Variants in IFT80 observed in about 807,000 individuals in gnomAD.
IFT80 encodes intraflagellar transport 80.
IFT80 carries 79 observed loss-of-function variants against 107.9 expected under a neutral mutation model. The ratio of observed to expected loss-of-function variants is 0.73; its 90% CI spans 0.61 to 0.88. The LOEUF (loss-of-function observed/expected upper bound fraction) is 0.88, where lower values mean the gene tolerates loss of function less well. Among genes scored for constraint, IFT80 ranks in the 40% least tolerant of loss-of-function variants. IFT80 has a pLI of 0.00. For synonymous variants in IFT80, 299 were observed against 300.9 expected (o/e 0.99, Z 0.07); for missense variants, 797 against 914.2 (o/e 0.87, Z 1.65).
chr3:160,348,940 G>A (rs1720479029), intron 8 of IFT80, among the ~76,000 whole-genome samples: 2 of 152,166 alleles, frequency 1.3e-5, no homozygotes, highest in African/African-American at 4.8e-5. Flanking sequence ...GAAAAATAGG[G>A]ATTGACAGTT....
chr3:160,367,146 A>AT (rs1184999832), intron 5 of IFT80, among the ~76,000 whole-genome samples: 1 of 152,106 alleles, frequency 6.6e-6, no homozygotes, highest in Non-Finnish European at 1.5e-5. Flanking sequence ...TCCACTGTAT[A>AT]TAAGTACCAC....
intron 8 of IFT80, among the ~76,000 whole-genome samples, chr3:160,333,189 C>T (rs149874575): frequency 1.3e-3 from 193 of 152,164 alleles, no homozygotes; most frequent in African/African-American, 4.2e-3. Flanking sequence ...TATAACTGTA[C>T]GTGACACTTA....
At chr3:160,295,568 T>C (rs1050887279) in intron 12 of IFT80, among the ~76,000 whole-genome samples, 3 of 151,840 alleles carry the variant, frequency 2.0e-5, no homozygotes, top group South Asian at 2.1e-4. Flanking sequence ...CAGTGCACTC[T>C]AGCCTGGGTG....
intron 5 of IFT80, among the ~76,000 whole-genome samples, chr3:160,374,404 TAA>T (rs199559986): frequency 2.7e-5 from 3 of 112,926 alleles, no homozygotes; most frequent in Admixed American, 9.5e-5. Context: ...CAAGACCGTC[TAA>T]AAAAAAAAAA....
intron 15 of IFT80, among the ~76,000 whole-genome samples, chr3:160,280,315 T>C (rs1714588698): frequency 6.6e-6 from 1 of 152,224 alleles, no homozygotes; most frequent in Admixed American, 6.5e-5. Flanking sequence ...AATGATAATC[T>C]GTGACAGCGT....
intron 7 of IFT80, 59 bp downstream of exon 7, chr3:160,357,430 T>C (rs1169816922): frequency 1.1e-6 from 1 of 905,718 alleles, no homozygotes; most frequent in Non-Finnish European, 1.8e-6. Flanking sequence ...TATTCTTATA[T>C]GCTAAGTACT....
At chr3:160,377,366 CT>C (rs1363080737) in intron 4 of IFT80, 63 bp downstream of exon 4, 2 of 939,126 alleles carry the variant, frequency 2.1e-6, no homozygotes, top group Admixed American at 1.7e-5. Flanking sequence ...TGAAAATATT[CT>C]GTTTCTTTGG....
rs760129503 is a variant in IFT80 at position 160,355,995 on chromosome 3, C to T, written c.777+18G>A. The T allele has an allele frequency of 1.9e-6, 3 of 1,613,680 alleles. No individual in the cohort carries two copies. The highest frequency in any genetic ancestry group is 2.2e-5 in the South Asian group (2 of 91,078). ...ATTTATGACAGCACATCTGTGATTG[C>T]TCACCACTATAACTTACCCCAGTTT... is the stretch of plus-strand genomic sequence containing the variant. On this transcript the variant is annotated intron_variant, in intron 8 of 19. Transcript: ENST00000326448.
At chr3:160,352,691 G>T (rs1720799709) in intron 8 of IFT80, among the ~76,000 whole-genome samples, 1 of 152,084 alleles carries the variant, frequency 6.6e-6, no homozygotes, top group Admixed American at 6.6e-5. Flanking sequence ...TGAAATTTAG[G>T]TAACTTGGTT....
intron 1 of IFT80, among the ~76,000 whole-genome samples, chr3:160,393,796 T>A (rs986311189): frequency 2.2e-4 from 33 of 152,206 alleles, no homozygotes; most frequent in Admixed American, 1.8e-3. Context: ...AATGTACCTA[T>A]AGATAAGAAG....
chr3:160,268,563 T>C, intron 18 of IFT80, 27 bp from the exon 19 acceptor site: 1 of 1,609,130 alleles, frequency 6.2e-7, no homozygotes, highest in Non-Finnish European at 8.5e-7. Context: ...AACAGATTAT[T>C]AACATTGTTT....
At chr3:160,290,071 TG>T (rs1294874219) in intron 12 of IFT80, among the ~76,000 whole-genome samples, 1 of 152,126 alleles carries the variant, frequency 6.6e-6, no homozygotes, top group Non-Finnish European at 1.5e-5. Flanking sequence ...GAATGTTTCA[TG>T]GGAACAGATA....
At chr3:160,316,820 GGTA>G (rs1202687421) in intron 9 of IFT80, among the ~76,000 whole-genome samples, 1 of 152,046 alleles carries the variant, frequency 6.6e-6, no homozygotes, top group Non-Finnish European at 1.5e-5. Flanking sequence ...ACTTGGAGTT[GGTA>G]GAATGTCAGC....
intron 8 of IFT80, among the ~76,000 whole-genome samples, chr3:160,325,310 C>T (rs1718603177): frequency 1.3e-5 from 2 of 152,186 alleles, no homozygotes; most frequent in African/African-American, 4.8e-5. Flanking sequence ...CAAAAAAGAG[C>T]CCGCATCGCT....
At chr3:160,307,805 C>G in intron 9 of IFT80, 24 bp from the exon 10 acceptor site, 1 of 1,181,874 alleles carries the variant, frequency 8.5e-7, no homozygotes, top group Non-Finnish European at 1.3e-6. Flanking sequence ...AATAAAATAC[C>G]AATAAACATT....
At chr3:160,392,219 T>A (rs1015067868) in intron 1 of IFT80, among the ~76,000 whole-genome samples, 4 of 152,238 alleles carry the variant, frequency 2.6e-5, no homozygotes, top group Non-Finnish European at 5.9e-5. Context: ...TTTCTCCTAA[T>A]ATCCCCAGCC....
intron 12 of IFT80, among the ~76,000 whole-genome samples, chr3:160,297,534 T>C (rs1184055933): frequency 6.6e-6 from 1 of 152,088 alleles, no homozygotes; most frequent in Non-Finnish European, 1.5e-5. Context: ...TTTTAGTAAA[T>C]CATAGGATTT....
In IFT80 at chr3:160,319,765, T is replaced by A. The variant is rs1718070417; in HGVS notation, c.952A>T (p.Met318Leu). ...ACCTTGGAACATAATAATACCTGCA[T>A]GGCTCTTCTTTTCGTTAATGTTACT... is the stretch of plus-strand genomic sequence containing the variant. ...FQVTLTKRRA[M>L]QVRNVLNDAV... The change falls in exon 9 of 20, where the codon ATG (methionine) becomes TTG (leucine). Residue 318 changes from methionine to leucine, a missense_variant. Met to Leu is a conservative substitution (Grantham distance 15). Transcript: ENST00000326448. 1.2e-6 allele frequency: 2 copies of A among 1,612,672 alleles called. No individual in the cohort carries two copies. Among genetic ancestry groups the A allele is most frequent in the Non-Finnish European group, 1.7e-6 (2 of 1,178,966 alleles).
intron 1 of IFT80, 84 bp downstream of exon 1, chr3:160,399,062 C>G (rs1185059299): frequency 6.6e-6 from 1 of 152,224 alleles, no homozygotes; most frequent in Admixed American, 6.5e-5. Context: ...AAGCACACAG[C>G]TTCAAAACAG....
Sources: gnomAD v4.1 joint callset for allele counts (sites outside exome capture counted in the v4.1 genomes callset) on GRCh38, gnomAD v4.1.1 for gene constraint, MANE v1.5 for transcripts, NCBI Gene and HGNC (gene_info 2026-07-23, HGNC 2026-07-21) for gene names.